Variants in NALF1 observed in about 807,000 individuals in gnomAD.
The protein encoded by NALF1 is NALCN channel auxiliary factor 1.
NALF1 carries 3 observed loss-of-function variants against 48.4 expected under a neutral mutation model. That is an observed-to-expected ratio of 0.06 (90% CI 0.03 to 0.16). The LOEUF is 0.16. NALF1 is among the 10% of genes least tolerant of loss of function. The pLI, the probability that NALF1 is intolerant of heterozygous loss-of-function variation, is 1.00. For synonymous variants in NALF1, 262 were observed against 245.7 expected, an observed-to-expected ratio of 1.07 and a Z score of -0.62; for missense variants, 526 against 571.5, an observed-to-expected ratio of 0.92 and a Z score of 0.81.
At chr13:107,611,034 CACT>C (rs1179253391) in intron 1 of NALF1, among the ~76,000 whole-genome samples, 1 of 152,174 alleles carries the variant, frequency 6.6e-6, no homozygotes, top group East Asian at 1.9e-4. Context: ...GAAAACGGAG[CACT>C]CTCCGTGCTA....
intron 1 of NALF1, among the ~76,000 whole-genome samples, chr13:107,569,844 C>T (rs1843610143): frequency 6.6e-6 from 1 of 152,062 alleles, no homozygotes; most frequent in South Asian, 2.1e-4. Flanking sequence ...GAATTGACAC[C>T]ATTAGTATAT....
intron 1 of NALF1, among the ~76,000 whole-genome samples, chr13:107,367,633 C>T (rs372917423): frequency 1.3e-5 from 2 of 152,186 alleles, no homozygotes; most frequent in African/African-American, 4.8e-5. Context: ...GCAGGCTGCC[C>T]CGCAGATTTC....
intron 1 of NALF1, among the ~76,000 whole-genome samples, chr13:107,628,602 A>G (rs1879748727): frequency 6.6e-6 from 1 of 152,190 alleles, no homozygotes; most frequent in South Asian, 2.1e-4. Context: ...ATTTCATGAA[A>G]TATGTTTCAC....
intron 1 of NALF1, among the ~76,000 whole-genome samples, chr13:107,401,766 C>A (rs1195207067): frequency 6.6e-6 from 1 of 151,806 alleles, no homozygotes; most frequent in East Asian, 1.9e-4. Flanking sequence ...CACGTGGTTG[C>A]ACATATGTGA....
intron 1 of NALF1, among the ~76,000 whole-genome samples, chr13:107,223,380 G>T (rs1431802332): frequency 6.6e-6 from 1 of 151,946 alleles, no homozygotes; most frequent in Non-Finnish European, 1.5e-5. Context: ...AACTTTTGTG[G>T]ACAGCAGAAA....
intron 1 of NALF1, among the ~76,000 whole-genome samples, chr13:107,600,682 A>G (rs1045594139): frequency 3.3e-5 from 5 of 152,190 alleles, no homozygotes; most frequent in African/African-American, 7.2e-5. Flanking sequence ...AAATAATATT[A>G]ACTTATATAG....
intron 1 of NALF1, among the ~76,000 whole-genome samples, chr13:107,602,853 T>A (rs905132835): frequency 1.3e-5 from 2 of 152,174 alleles, no homozygotes; most frequent in African/African-American, 4.8e-5. Flanking sequence ...TATGCTTATA[T>A]GTCATTATAA....
At chr13:107,845,415 T>A (rs1018510495) in intron 1 of NALF1, among the ~76,000 whole-genome samples, 2 of 152,246 alleles carry the variant, frequency 1.3e-5, no homozygotes, top group East Asian at 3.9e-4. Flanking sequence ...GATGTTGAGG[T>A]GGGCAGGGTA....
intron 1 of NALF1, among the ~76,000 whole-genome samples, chr13:107,633,987 T>C (rs931015074): frequency 1.1e-5 from 1 of 89,346 alleles, no homozygotes; most frequent in East Asian, 0.019. Flanking sequence ...TTTTACCAAA[T>C]TGATCTATTT....
intron 1 of NALF1, among the ~76,000 whole-genome samples, chr13:107,385,381 C>T (rs940043733): frequency 7.2e-5 from 11 of 151,874 alleles, no homozygotes; most frequent in Admixed American, 1.3e-4. Context: ...GGCAAAACTC[C>T]GTCTCTACTA....
At chr13:107,728,666 T>C (rs1047566009) in intron 1 of NALF1, among the ~76,000 whole-genome samples, 2 of 151,684 alleles carry the variant, frequency 1.3e-5, no homozygotes, top group African/African-American at 4.8e-5. Flanking sequence ...AACCTGCACG[T>C]TCTGCGCATG....
intron 1 of NALF1, among the ~76,000 whole-genome samples, chr13:107,609,932 A>C (rs1216920863): frequency 1.3e-5 from 2 of 152,198 alleles, no homozygotes; most frequent in Non-Finnish European, 2.9e-5. Context: ...AAAATAGAAA[A>C]ACAAATGACA....
intron 1 of NALF1, among the ~76,000 whole-genome samples, chr13:107,356,939 G>A (rs1485957485): frequency 6.6e-6 from 1 of 152,102 alleles, no homozygotes; most frequent in East Asian, 1.9e-4. Context: ...TGCTTTATCT[G>A]GGCCTTTACA....
chr13:107,636,997 T>A (rs576510605), intron 1 of NALF1, among the ~76,000 whole-genome samples: 98 of 151,476 alleles, frequency 6.5e-4, no homozygotes, highest in African/African-American at 2.3e-3. Flanking sequence ...AGCAGAAAAA[T>A]TCCTATCATG....
intron 1 of NALF1, among the ~76,000 whole-genome samples, chr13:107,282,319 A>T (rs1355377157): frequency 6.6e-6 from 1 of 152,234 alleles, no homozygotes; most frequent in Non-Finnish European, 1.5e-5. Context: ...TTATCCAGAG[A>T]GCAAATCCTA....
chr13:107,813,493 TC>T, intron 1 of NALF1, among the ~76,000 whole-genome samples: 1 of 152,322 alleles, frequency 6.6e-6, no homozygotes, highest in African/African-American at 2.4e-5. Flanking sequence ...TTGTGTGTTT[TC>T]CCATTTTCTC....
intron 1 of NALF1, among the ~76,000 whole-genome samples, chr13:107,684,780 G>T (rs191356978): frequency 6.6e-6 from 1 of 152,336 alleles, no homozygotes; most frequent in Non-Finnish European, 1.5e-5. Context: ...ACGCACAGAT[G>T]TTGACAAATA....
chr13:107,328,342 A>T (rs970804452), intron 1 of NALF1, among the ~76,000 whole-genome samples: 1 of 150,894 alleles, frequency 6.6e-6, no homozygotes, highest in Non-Finnish European at 1.5e-5. Flanking sequence ...CTATTCTGTA[A>T]TTTTCCTTTC....
intron 2 of NALF1, among the ~76,000 whole-genome samples, chr13:107,178,926 C>G (rs1879000640): frequency 6.7e-6 from 1 of 150,020 alleles, no homozygotes; most frequent in Non-Finnish European, 1.5e-5. Flanking sequence ...GCCTGGGTCA[C>G]AGAGTGAGAC....
Sources: allele counts gnomAD v4.1 joint callset (sites outside exome capture counted in the v4.1 genomes callset), GRCh38; gene constraint gnomAD v4.1.1; transcripts MANE v1.5; gene names NCBI Gene and HGNC (gene_info 2026-07-23, HGNC 2026-07-21).